Variants in LRRFIP2 observed in about 807,000 individuals in gnomAD.
LRRFIP2 encodes the protein leucine-rich repeat flightless-interacting protein 2.
LRRFIP2 carries 109 observed loss-of-function variants against 125.9 expected under a neutral mutation model. The ratio of observed to expected loss-of-function variants is 0.87; its 90% CI spans 0.74 to 1.01. The LOEUF (loss-of-function observed/expected upper bound fraction) is 1.01. Among genes scored for constraint, LRRFIP2 ranks in the 50% least tolerant of loss-of-function variants. The pLI, the probability that LRRFIP2 is intolerant of heterozygous loss-of-function variation, is 0.00. For missense variants in LRRFIP2, 850 were observed against 862.3 expected (o/e 0.99, Z 0.18); for synonymous variants, 291 against 293.1 (o/e 0.99, Z 0.07).
chr3:37,087,098 C>G (rs2093105311), intron 18 of LRRFIP2, among the ~76,000 whole-genome samples: 1 of 152,098 alleles, frequency 6.6e-6, no homozygotes, highest in Admixed American at 6.6e-5. Context: ...AAGTGATCCA[C>G]CCACCTTGGC....
chr3:37,139,278 A>C (rs1443455307), intron 2 of LRRFIP2, among the ~76,000 whole-genome samples: 20 of 152,246 alleles, frequency 1.3e-4, no homozygotes, highest in Admixed American at 1.3e-3. Context: ...GAACCATACA[A>C]GGTTTTTAAA....
intron 2 of LRRFIP2, among the ~76,000 whole-genome samples, chr3:37,147,089 C>T (rs1005277483): frequency 2.6e-5 from 4 of 152,018 alleles, no homozygotes; most frequent in African/African-American, 9.7e-5. Flanking sequence ...GCAATGTATG[C>T]AGCCAACAAA....
chr3:37,095,917 G>A (rs1016342770), intron 16 of LRRFIP2, among the ~76,000 whole-genome samples: 1 of 152,188 alleles, frequency 6.6e-6, no homozygotes, highest in African/African-American at 2.4e-5. Flanking sequence ...AAAGTGTTGG[G>A]ATTACAGGCA....
chr3:37,172,192 T>C (rs542279950), intron 1 of LRRFIP2, among the ~76,000 whole-genome samples: 37 of 152,224 alleles, frequency 2.4e-4, no homozygotes, highest in Admixed American at 8.5e-4. Flanking sequence ...TCTGTATAGA[T>C]ACTAACTAAT....
At chr3:37,106,750 G>A (rs575137818) in intron 13 of LRRFIP2, among the ~76,000 whole-genome samples, 131 of 152,174 alleles carry the variant, frequency 8.6e-4, no homozygotes, top group African/African-American at 2.9e-3. Context: ...TGAGGTGGGT[G>A]GACCACCTGA....
In LRRFIP2 at chr3:37,058,922, A is replaced by G; in HGVS notation, c.1750-12T>C. 1 of 1,613,372 alleles carries G rather than the reference A, an allele frequency of 6.2e-7. No individual in the cohort carries two copies. Among genetic ancestry groups the G allele is most frequent in the South Asian group, 1.1e-5 (1 of 91,060 alleles). Reference sequence around the variant, plus strand: ...TTCAGTTTTCTAATCTGAAATGAAAATAAAGGTTCATCAGCAAGATCCAAT... The same window carrying G: ...TTCAGTTTTCTAATCTGAAATGAAAGTAAAGGTTCATCAGCAAGATCCAAT... On this transcript the variant is annotated splice_polypyrimidine_tract_variant and intron_variant, in intron 24 of 27. Transcript: ENST00000336686.
Position 37,097,426 on chromosome 3 carries a change from C to T in LRRFIP2, c.874-766G>A, listed in dbSNP as rs956725318. Among the ~76,000 whole-genome samples the T allele has an allele frequency of 2.0e-5, 3 of 152,134 alleles. 1 individual carries two copies. Among genetic ancestry groups the T allele is most frequent in the South Asian group, 4.1e-4 (2 of 4,830 alleles). On this transcript the variant is annotated intron_variant, in intron 15 of 27. Transcript: ENST00000336686. ...TAGCATTTATCACTCCCTGACACTA[C>T]GGTATTTATCCATTTATTTATTGTC...
At chr3:37,065,689 T>C in intron 23 of LRRFIP2, 121 bp downstream of exon 23, 1 of 1,215,814 alleles carries the variant, frequency 8.2e-7, no homozygotes, top group South Asian at 1.2e-5. Flanking sequence ...ATTCTTCTAG[T>C]TAAGGATCTA....
intron 1 of LRRFIP2, among the ~76,000 whole-genome samples, chr3:37,152,411 C>G (rs1318714451): frequency 6.6e-6 from 1 of 152,062 alleles, no homozygotes; most frequent in Non-Finnish European, 1.5e-5. Context: ...ACCCACATAA[C>G]CAAAAACCAT....
chr3:37,091,346 G>A (rs1576412077), intron 18 of LRRFIP2, 121 bp downstream of exon 18: 1 of 635,996 alleles, frequency 1.6e-6, no homozygotes, highest in East Asian at 2.9e-5. Context: ...TTAAGCACAT[G>A]CTTGAAAGAC....
intron 1 of LRRFIP2, among the ~76,000 whole-genome samples, chr3:37,151,412 T>C (rs2096020386): frequency 6.6e-6 from 1 of 151,580 alleles, no homozygotes. Context: ...GCAGCTGATA[T>C]ATCCCAGATA....
intron 9 of LRRFIP2, among the ~76,000 whole-genome samples, chr3:37,110,227 G>A (rs964712481): frequency 6.6e-6 from 1 of 152,194 alleles, no homozygotes; most frequent in Non-Finnish European, 1.5e-5. Flanking sequence ...CATGGACAAA[G>A]TGCCTTAGTT....
intron 1 of LRRFIP2, among the ~76,000 whole-genome samples, chr3:37,173,741 C>T (rs1333796386): frequency 6.6e-6 from 1 of 152,218 alleles, no homozygotes; most frequent in Non-Finnish European, 1.5e-5. Context: ...TTGCTTCTCA[C>T]ACTAGGAACA....
chr3:37,091,537 T>A lies in LRRFIP2; in HGVS notation c.1037A>T (p.Asp346Val). 6.2e-7 allele frequency: 1 copy of A among 1,606,430 alleles called. No individual in the cohort carries two copies. Among genetic ancestry groups the A allele is most frequent in the Non-Finnish European group, 8.5e-7 (1 of 1,175,734 alleles). ...TATCTGGTCCTTAAGGTCATAGATA[T>A]CCTGCAGGACATAGGAATGAACCAT... is the stretch of plus-strand genomic sequence containing the variant. Reference protein sequence around the residue: ...DPDTSLSELRDIYDLKDQIQD... With the variant: ...DPDTSLSELRVIYDLKDQIQD... Residue 346 changes from aspartate to valine, a missense_variant and splice_region_variant, in exon 18 of 28, where the codon GAT becomes GTT. Transcript: ENST00000336686.
intron 20 of LRRFIP2, among the ~76,000 whole-genome samples, chr3:37,074,045 T>G (rs1048754050): frequency 1.3e-5 from 2 of 152,200 alleles, no homozygotes; most frequent in Non-Finnish European, 2.9e-5. Flanking sequence ...ATCCACAAAT[T>G]CTGAGTATGT....
intron 2 of LRRFIP2, among the ~76,000 whole-genome samples, chr3:37,134,293 G>T (rs1224358670): frequency 6.6e-6 from 1 of 152,082 alleles, no homozygotes; most frequent in Admixed American, 6.6e-5. Context: ...AATATTCACT[G>T]TATCACTCAA....
intron 2 of LRRFIP2, among the ~76,000 whole-genome samples, chr3:37,135,671 C>T (rs190442129): frequency 1.3e-5 from 2 of 151,952 alleles, no homozygotes; most frequent in African/African-American, 4.8e-5. Flanking sequence ...ATAAAAATGA[C>T]CAATAAGTAC....
At chr3:37,144,967 G>A (rs1020060777) in intron 2 of LRRFIP2, among the ~76,000 whole-genome samples, 7 of 152,030 alleles carry the variant, frequency 4.6e-5, no homozygotes, top group Non-Finnish European at 7.4e-5. Context: ...GTTTAATTTT[G>A]TTTACTCTTC....
At chr3:37,095,291 C>T (rs975975242) in intron 16 of LRRFIP2, among the ~76,000 whole-genome samples, 1 of 152,184 alleles carries the variant, frequency 6.6e-6, no homozygotes, top group African/African-American at 2.4e-5. Context: ...AGCACTTCCC[C>T]TTTTTAATTT....
Sources: allele counts gnomAD v4.1 joint callset (sites outside exome capture counted in the v4.1 genomes callset), GRCh38; gene constraint gnomAD v4.1.1; transcripts MANE v1.5; gene names NCBI Gene and HGNC (gene_info 2026-07-23, HGNC 2026-07-21).